Variants in LPXN observed in about 807,000 individuals in gnomAD.
LPXN encodes leupaxin.
A neutral mutation model predicts 45.6 loss-of-function variants in LPXN; 28 were observed. That is an observed-to-expected ratio of 0.61 (90% confidence interval 0.45 to 0.84). The LOEUF (loss-of-function observed/expected upper bound fraction) is 0.84. Ranked by LOEUF, LPXN falls within the 40% of genes least tolerant of loss-of-function variation. The probability of loss-of-function intolerance (pLI) is 0.00; values close to 1 mark genes in which losing one functional copy is unlikely to be tolerated. For synonymous variants in LPXN, 166 were observed against 169.9 expected (o/e 0.98, Z 0.18); for missense variants, 459 against 475.0 (o/e 0.97, Z 0.31).
In LPXN at chr11:58,575,793, C is replaced by G. The variant is rs1565208916; in HGVS notation, c.-21G>C. On this transcript the variant is annotated 5_prime_UTR_variant, in exon 1 of 9. Coordinates refer to ENST00000395074, the MANE Select transcript of LPXN (RefSeq NM_004811.3). ...TCCATTGTCCTACATCCAAGATGCTCTTGTCTCACAGGCCGTGAGGAACAG... is the reference window on the plus strand; with the variant it reads ...TCCATTGTCCTACATCCAAGATGCTGTTGTCTCACAGGCCGTGAGGAACAG... 6 of 1,614,064 alleles carry G rather than the reference C, an allele frequency of 3.7e-6. No homozygotes were observed. Among genetic ancestry groups the G allele is most frequent in the Non-Finnish European group, 3.4e-6 (4 of 1,180,016 alleles).
chr11:58,536,154 A>G (rs1449493733), intron 7 of LPXN, among the ~76,000 whole-genome samples: 1 of 152,220 alleles, frequency 6.6e-6, no homozygotes, highest in Non-Finnish European at 1.5e-5. Context: ...AATTAGAAAA[A>G]ACTACTTTAA....
chr11:58,528,223 C>G (rs1437945365), intron 7 of LPXN, 32 bp from the exon 8 acceptor site: 1 of 1,604,888 alleles, frequency 6.2e-7, no homozygotes, highest in African/African-American at 1.3e-5. Context: ...TTCACTGTTG[C>G]AGGTTGAGCC....
At chr11:58,572,627 TGTTAA>T (rs1392783397) in intron 1 of LPXN, among the ~76,000 whole-genome samples, 2 of 152,096 alleles carry the variant, frequency 1.3e-5, no homozygotes, top group Admixed American at 6.5e-5. Context: ...TAATTAATTC[TGTTAA>T]GTTTTTAGGT....
intron 2 of LPXN, among the ~76,000 whole-genome samples, chr11:58,570,030 G>A (rs754220053): frequency 5.9e-5 from 9 of 151,786 alleles, no homozygotes; most frequent in Admixed American, 2.0e-4. Flanking sequence ...TCGGCTGGGC[G>A]TGATGGCTCA....
Position 58,528,084 on chromosome 11 carries a change from C to T in LPXN, c.850G>A (p.Ala284Thr). 1 of 1,614,208 alleles carries T rather than the reference C, an allele frequency of 6.2e-7. No homozygotes were observed. Among genetic ancestry groups the T allele is most frequent in the East Asian group, 2.2e-5 (1 of 44,884 alleles). Residue 284 changes from alanine to threonine, a missense_variant, in exon 8 of 9, where the codon GCC becomes ACC. Transcript: ENST00000395074. ...NRPVLENYLS[A>T]MDTVWHPECF... ...TCTGGGTGCCAGACAGTGTCCATGG[C>T]TGAAAGGTAGTTTTCCAACACTGGG...
At chr11:58,572,446 G>C (rs1258037893) in intron 1 of LPXN, among the ~76,000 whole-genome samples, 1 of 151,992 alleles carries the variant, frequency 6.6e-6, no homozygotes, top group Non-Finnish European at 1.5e-5. Flanking sequence ...GGGACCCTAT[G>C]GCATTAAAAA....
At chr11:58,535,694 A>G (rs1853530604) in intron 7 of LPXN, among the ~76,000 whole-genome samples, 1 of 152,210 alleles carries the variant, frequency 6.6e-6, no homozygotes, top group African/African-American at 2.4e-5. Context: ...AGAAAGAAAT[A>G]AAGGGTACTC....
chr11:58,571,277 G>A (rs1007834610), intron 1 of LPXN, among the ~76,000 whole-genome samples: 4 of 151,948 alleles, frequency 2.6e-5, no homozygotes, highest in African/African-American at 7.3e-5. Context: ...GTGAGCCTGC[G>A]ATGAGTCGAG....
intron 1 of LPXN, among the ~76,000 whole-genome samples, chr11:58,573,257 A>AAAG: frequency 6.6e-6 from 1 of 151,634 alleles, no homozygotes; most frequent in Non-Finnish European, 1.5e-5. Context: ...AAAAAAAAAA[A>AAAG]AAAAGAAAAG....
chr11:58,571,839 A>C (rs1395350434), intron 1 of LPXN, among the ~76,000 whole-genome samples: 1 of 152,228 alleles, frequency 6.6e-6, no homozygotes, highest in Non-Finnish European at 1.5e-5. Flanking sequence ...TGTAGATCAC[A>C]AGAAAGAGAC....
intron 7 of LPXN, among the ~76,000 whole-genome samples, chr11:58,533,114 C>A (rs773120942): frequency 7.9e-5 from 12 of 152,182 alleles, no homozygotes; most frequent in Non-Finnish European, 1.3e-4. Flanking sequence ...AAACTCCGAA[C>A]ATGTCTGAAC....
At position 58,558,540 on chromosome 11, in the gene LPXN, CAAAAAAAAAA is replaced by C. The variant is rs35870490; in HGVS notation, c.219-3610_219-3601del. Among the ~76,000 whole-genome samples the C allele has an allele frequency of 6.1e-3, 293 of 48,038 alleles. 1 individual carries two copies. The highest frequency in any genetic ancestry group is 0.02 in the African/African-American group (268 of 13,604). 31.5% of individuals were successfully genotyped at this position (48,038 alleles called of 152,430 possible). On this transcript the variant is annotated intron_variant, in intron 3 of 8. Transcript: ENST00000395074. The stretch of plus-strand genomic sequence containing the variant: ...CAACAGAAGCAGAATGAGACCCTGT[CAAAAAAAAAA>C]AAAAAAAAAAAAAAGAGAAGAAAGG...
chr11:58,565,956 C>T (rs748020639), intron 2 of LPXN, among the ~76,000 whole-genome samples: 13 of 152,146 alleles, frequency 8.5e-5, no homozygotes, highest in African/African-American at 1.2e-4. Flanking sequence ...CAAGATCATG[C>T]CACTGAACTC....
intron 5 of LPXN, among the ~76,000 whole-genome samples, chr11:58,550,617 T>C (rs1322262890): frequency 6.6e-6 from 1 of 152,216 alleles, no homozygotes; most frequent in Non-Finnish European, 1.5e-5. Flanking sequence ...AACAGGAGTT[T>C]GCAGCTGTGA....
At chr11:58,561,867 A>G (rs1854388355) in intron 3 of LPXN, among the ~76,000 whole-genome samples, 1 of 152,200 alleles carries the variant, frequency 6.6e-6, no homozygotes, top group Non-Finnish European at 1.5e-5. Context: ...GAAATGAGAG[A>G]CCTTGAAGAG....
chr11:58,562,586 A>G (rs1854410313), intron 3 of LPXN, among the ~76,000 whole-genome samples: 1 of 152,218 alleles, frequency 6.6e-6, no homozygotes, highest in South Asian at 2.1e-4. Context: ...AAACCTGATT[A>G]CACAGGTGAG....
intron 3 of LPXN, among the ~76,000 whole-genome samples, chr11:58,558,540 C>CAAAAAAA (rs35870490): frequency 1.7e-4 from 8 of 48,006 alleles, no homozygotes; most frequent in African/African-American, 3.7e-4. Context: ...GAGACCCTGT[C>CAAAAAAA]AAAAAAAAAA....
intron 7 of LPXN, among the ~76,000 whole-genome samples, chr11:58,532,647 A>G (rs976998531): frequency 1.3e-5 from 2 of 152,214 alleles, no homozygotes; most frequent in Non-Finnish European, 2.9e-5. Context: ...TGTCTAGCTC[A>G]GGGATTGTAA....
At chr11:58,546,691 G>A (rs80116113) in intron 7 of LPXN, among the ~76,000 whole-genome samples, 6 of 152,294 alleles carry the variant, frequency 3.9e-5, no homozygotes, top group Admixed American at 3.9e-4. Context: ...CATGGAGTTT[G>A]CAATTAGCAT....
Sources: gnomAD v4.1 joint callset for allele counts (sites outside exome capture counted in the v4.1 genomes callset) on GRCh38, gnomAD v4.1.1 for gene constraint, MANE v1.5 for transcripts, NCBI Gene and HGNC (gene_info 2026-07-23, HGNC 2026-07-21) for gene names.